The following LUC7L2 variants were observed in gnomAD, a reference collection of about 807,000 sequenced individuals.
LUC7L2 encodes the protein putative RNA-binding protein Luc7-like 2.
A neutral mutation model predicts 52.8 loss-of-function variants in LUC7L2; 25 were observed. The ratio of observed to expected loss-of-function variants is 0.47; its 90% CI spans 0.34 to 0.66. The LOEUF is 0.66. Among genes scored for constraint, LUC7L2 ranks in the 30% least tolerant of loss-of-function variants. The probability of loss-of-function intolerance (pLI) is 0.01; values close to 1 mark genes in which losing one functional copy is unlikely to be tolerated. For synonymous variants in LUC7L2, 144 were observed against 160.9 expected (o/e 0.89, Z 0.80); for missense variants, 328 against 497.8 (o/e 0.66, Z 3.25).
intron 3 of LUC7L2, among the ~76,000 whole-genome samples, chr7:139,400,689 TC>T (rs963436251): frequency 6.6e-6 from 1 of 152,214 alleles, no homozygotes; most frequent in East Asian, 1.9e-4. Context: ...GGATCTAGTC[TC>T]CCCCCAACCC....
At chr7:139,353,762 C>T (rs1298428055) in intron 1 of LUC7L2, among the ~76,000 whole-genome samples, 1 of 151,702 alleles carries the variant, frequency 6.6e-6, no homozygotes, top group Non-Finnish European at 1.5e-5. Flanking sequence ...CACTGCACTC[C>T]AGCCTGGTGA....
At chr7:139,364,226 C>A (rs2131184919) in intron 1 of LUC7L2, among the ~76,000 whole-genome samples, 1 of 152,000 alleles carries the variant, frequency 6.6e-6, no homozygotes, top group South Asian at 2.1e-4. Flanking sequence ...CTCGGGTGAT[C>A]CACCATGCCC....
intron 8 of LUC7L2, chr7:139,416,649 T>C (rs1237127845): frequency 6.6e-6 from 1 of 152,158 alleles, no homozygotes; most frequent in Admixed American, 6.6e-5. Flanking sequence ...TCATCCTTCC[T>C]TAGCCTCCCA....
chr7:139,388,464 T>A (rs939529608), intron 2 of LUC7L2, among the ~76,000 whole-genome samples: 7 of 152,018 alleles, frequency 4.6e-5, no homozygotes, highest in African/African-American at 9.7e-5. Flanking sequence ...CCATTTCTCT[T>A]CACCCTATAC....
At chr7:139,402,116 G>A (rs763524728) in intron 3 of LUC7L2, 21 bp from the exon 4 acceptor site, 1 of 1,561,552 alleles carries the variant, frequency 6.4e-7, no homozygotes, top group Admixed American at 2.2e-5. Context: ...GACAGTAATT[G>A]TCTTTAATTA....
At chr7:139,363,920 G>A (rs1437054109) in intron 1 of LUC7L2, among the ~76,000 whole-genome samples, 1 of 151,020 alleles carries the variant, frequency 6.6e-6, no homozygotes, top group Non-Finnish European at 1.5e-5. Context: ...GAAAGTCTGG[G>A]AAGATGCAAG....
At chr7:139,355,175 A>G (rs1271954916), upstream of LUC7L2, among the ~76,000 whole-genome samples, 2 of 151,984 alleles carry the variant, frequency 1.3e-5, no homozygotes, top group African/African-American at 4.8e-5. Flanking sequence ...TCCTTGCCAG[A>G]CTTTCCGCCC....
At chr7:139,419,807 CTA>C (rs1309956097) in intron 9 of LUC7L2, among the ~76,000 whole-genome samples, 2 of 152,180 alleles carry the variant, frequency 1.3e-5, no homozygotes, top group Non-Finnish European at 2.9e-5. Flanking sequence ...TTTTGTAAAA[CTA>C]TTAAAAGTTT....
chr7:139,351,049 T>C (rs1210536711), intron 1 of LUC7L2, among the ~76,000 whole-genome samples: 2 of 152,174 alleles, frequency 1.3e-5, no homozygotes, highest in African/African-American at 2.4e-5. Flanking sequence ...TGTTGGGTAT[T>C]CCTCAGGGTC....
At chr7:139,371,438 A>G in intron 1 of LUC7L2, 1 of 1,533,754 alleles carries the variant, frequency 6.5e-7, no homozygotes, top group Non-Finnish European at 8.8e-7. Flanking sequence ...AGCTTAAAAA[A>G]ATACAGGGAG....
chr7:139,397,444 T>C (rs1244954863), intron 2 of LUC7L2, among the ~76,000 whole-genome samples: 1 of 152,216 alleles, frequency 6.6e-6, no homozygotes, highest in Non-Finnish European at 1.5e-5. Flanking sequence ...CTCCATGAAG[T>C]CAGACTGTCT....
chr7:139,374,480 T>C (rs954834621), intron 1 of LUC7L2: 16 of 1,550,764 alleles, frequency 1.0e-5, no homozygotes, highest in East Asian at 9.8e-5. Context: ...CCGTGAGTTA[T>C]CGCTAACTTT....
At position 139,376,174 on chromosome 7, in the gene LUC7L2, G is replaced by A. The variant is rs745658532; in HGVS notation, c.156+18G>A. ...CTGGAACTGTATGTATTTACTAAATGTATTGTTAGATTACTGATATGCTGC... is the reference window on the plus strand; with the variant it reads ...CTGGAACTGTATGTATTTACTAAATATATTGTTAGATTACTGATATGCTGC... On this transcript the variant is annotated intron_variant, in intron 2 of 9. Transcript: ENST00000354926. The A allele has an allele frequency of 1.9e-6, 3 of 1,611,782 alleles. No individual in the cohort carries two copies. Among genetic ancestry groups the A allele is most frequent in the Non-Finnish European group, 2.5e-6 (3 of 1,178,440 alleles).
At chr7:139,355,615 CT>C (rs1204046583), upstream of LUC7L2, among the ~76,000 whole-genome samples, 1 of 152,158 alleles carries the variant, frequency 6.6e-6, no homozygotes, top group African/African-American at 2.4e-5. Flanking sequence ...GAAAATTCAA[CT>C]GATGGATTTA....
At chr7:139,371,663 A>T (rs1800457748) in intron 1 of LUC7L2, among the ~76,000 whole-genome samples, 1 of 152,174 alleles carries the variant, frequency 6.6e-6, no homozygotes, top group South Asian at 2.1e-4. Flanking sequence ...TTTAAGTGTT[A>T]ATATAAGTTT....
rs556007736 is a variant in LUC7L2, at chr7:139,394,484, G to A, written c.157-4115G>A. Reference sequence around the variant, plus strand: ...CTACATAGTTGCTTTTCTTCCTTTGGTTGGTTGTGTGATGTAACTTTAAAG... The same window carrying A: ...CTACATAGTTGCTTTTCTTCCTTTGATTGGTTGTGTGATGTAACTTTAAAG... On this transcript the variant is annotated intron_variant, in intron 2 of 9. Transcript: ENST00000354926. Among the ~76,000 whole-genome samples the A allele has an allele frequency of 7.6e-4, 116 of 152,242 alleles. 1 individual carries two copies. Among genetic ancestry groups the A allele is most frequent in the African/African-American group, 2.7e-3 (112 of 41,542 alleles).
chr7:139,420,037 T>C (rs1478765920), intron 9 of LUC7L2, among the ~76,000 whole-genome samples: 1 of 145,718 alleles, frequency 6.9e-6, no homozygotes, highest in African/African-American at 2.8e-5. Context: ...TTCCCTACTG[T>C]GAAATACTTG....
At chr7:139,345,563 C>G in intron 1 of LUC7L2, 2 of 1,614,170 alleles carry the variant, frequency 1.2e-6, no homozygotes, top group Non-Finnish European at 1.7e-6. Flanking sequence ...CCACCTATCT[C>G]TGCCTCCTGC....
chr7:139,417,804 AT>A, intron 9 of LUC7L2, 75 bp downstream of exon 9: 2 of 1,514,412 alleles, frequency 1.3e-6, no homozygotes, highest in Non-Finnish European at 1.8e-6. Flanking sequence ...TATGTTACTT[AT>A]GTTTAGAGTT....
Sources: gnomAD v4.1 joint callset for allele counts (sites outside exome capture counted in the v4.1 genomes callset) on GRCh38, gnomAD v4.1.1 for gene constraint, MANE v1.5 for transcripts, NCBI Gene and HGNC (gene_info 2026-07-23, HGNC 2026-07-21) for gene names.